Variants in NETO1 observed in about 807,000 individuals in gnomAD.
NETO1 encodes neuropilin and tolloid-like protein 1.
Under a neutral mutation model 61.3 loss-of-function variants are expected in NETO1, and 26 were observed. The ratio of observed to expected loss-of-function variants is 0.42; its 90% CI spans 0.31 to 0.59. NETO1 has a LOEUF of 0.59. Among genes scored for constraint, NETO1 ranks in the 20% least tolerant of loss-of-function variants. The pLI, the probability that NETO1 is intolerant of heterozygous loss-of-function variation, is 0.12. For synonymous variants in NETO1, 225 were observed against 225.8 expected, an observed-to-expected ratio of 1.00 and a Z score of 0.03; for missense variants, 531 against 662.8, an observed-to-expected ratio of 0.80 and a Z score of 2.18.
At chr18:72,850,165 C>G (rs569342631) in intron 4 of NETO1, among the ~76,000 whole-genome samples, 1 of 152,308 alleles carries the variant, frequency 6.6e-6, no homozygotes, top group Admixed American at 6.5e-5. Context: ...TATCTGGCTA[C>G]TATACATGGC....
In NETO1 at chr18:72,848,779, A is replaced by C. The variant is rs112320827; in HGVS notation, c.469+10047T>G. 2.3e-3 allele frequency among the ~76,000 whole-genome samples: 357 copies of C among 152,272 alleles called. 4 individuals carry two copies. Among genetic ancestry groups the C allele is most frequent in the African/African-American group, 8.3e-3 (346 of 41,574 alleles). On this transcript the variant is annotated intron_variant, in intron 4 of 10. Transcript: ENST00000327305. ...CACACCTGCAGCTGAATAGTTACAT[A>C]AGAATGTTTCTTGCTTGTAGGCATT...
intron 7 of NETO1, among the ~76,000 whole-genome samples, chr18:72,756,483 C>T (rs1393474851): frequency 6.6e-6 from 1 of 151,980 alleles, no homozygotes; most frequent in African/African-American, 2.4e-5. Context: ...ATACTTTATA[C>T]AGAAAGAATG....
intron 4 of NETO1, among the ~76,000 whole-genome samples, chr18:72,844,805 T>C (rs1370812928): frequency 2.0e-5 from 3 of 152,068 alleles, no homozygotes; most frequent in Non-Finnish European, 2.9e-5. Flanking sequence ...AAGCTTGGTG[T>C]CCATATAGAG....
intron 6 of NETO1, among the ~76,000 whole-genome samples, chr18:72,792,594 C>A (rs2072160140): frequency 6.6e-6 from 1 of 151,542 alleles, no homozygotes; most frequent in Non-Finnish European, 1.5e-5. Flanking sequence ...CCCACTTGAC[C>A]TTCTGCTTGC....
chr18:72,867,377 C>A lies in NETO1; in HGVS notation c.-86G>T. 1 of 1,117,576 alleles carries A rather than the reference C, an allele frequency of 8.9e-7. No individual in the cohort carries two copies. Among genetic ancestry groups the A allele is most frequent in the South Asian group, 1.8e-5 (1 of 56,270 alleles). 69.2% of individuals were successfully genotyped at this position (1,117,576 alleles called of 1,614,324 possible). A position where few individuals can be genotyped will look rare whatever the true frequency, so the allele number is the denominator to read the frequency against. On this transcript the variant is annotated 5_prime_UTR_variant, in exon 1 of 11. Coordinates refer to ENST00000327305, the MANE Select transcript of NETO1 (RefSeq NM_138966.5). The stretch of plus-strand genomic sequence containing the variant: ...TCCAGTGGCGGGGGGAGGACAGGGT[C>A]GAGAGGTGTTAAAGACGCAAAGCAA...
At position 72,766,510 on chromosome 18, in the gene NETO1, C is replaced by G. The variant is rs139788507; in HGVS notation, c.869-10363G>C. ...AGATTTGTGTATCTTTTTTTCATGT[C>G]CTTTATCACCTTCATAGTTGTTTTG... On this transcript the variant is annotated intron_variant, in intron 7 of 10. Coordinates refer to ENST00000327305, the MANE Select transcript of NETO1 (RefSeq NM_138966.5). Among the ~76,000 whole-genome samples, 500 of 151,778 alleles carry G rather than the reference C, an allele frequency of 3.3e-3. 2 individuals are homozygous for G. The highest frequency in any genetic ancestry group is 0.011 in the African/African-American group (476 of 41,408).
intron 3 of NETO1, among the ~76,000 whole-genome samples, chr18:72,859,665 G>A (rs754311912): frequency 2.6e-5 from 4 of 152,068 alleles, no homozygotes; most frequent in Non-Finnish European, 5.9e-5. Flanking sequence ...AATATCCTGC[G>A]TCCAGGACCC....
chr18:72,793,966 C>G (rs2072225845), intron 6 of NETO1, 151 bp downstream of exon 6: 1 of 866,390 alleles, frequency 1.2e-6, no homozygotes, highest in Non-Finnish European at 1.8e-6. Context: ...CAAGAGAAGA[C>G]AAGTTACATC....
chr18:72,821,506 G>C (rs957917073), intron 4 of NETO1, among the ~76,000 whole-genome samples: 1 of 150,592 alleles, frequency 6.6e-6, no homozygotes, highest in African/African-American at 2.4e-5. Flanking sequence ...TGGAGGTTGC[G>C]GTGAGCCGAG....
At chr18:72,865,687 G>T (rs1199287703) in intron 1 of NETO1, 14 of 1,555,152 alleles carry the variant, frequency 9.0e-6, no homozygotes, top group Non-Finnish European at 1.2e-5. Context: ...CTGACATACT[G>T]CAGTGTGGCT....
intron 4 of NETO1, among the ~76,000 whole-genome samples, chr18:72,815,987 C>G (rs1173485123): frequency 6.6e-6 from 1 of 152,046 alleles, no homozygotes; most frequent in Non-Finnish European, 1.5e-5. Flanking sequence ...CAGACAGGTA[C>G]AGATAGAGGT....
chr18:72,867,045 C>G (rs548192462), intron 1 of NETO1: 2 of 468,440 alleles, frequency 4.3e-6, no homozygotes, highest in Admixed American at 4.3e-5. Flanking sequence ...AGACCGTTCT[C>G]CGGCAGGTTT....
At chr18:72,780,366 T>C (rs916689882) in intron 7 of NETO1, among the ~76,000 whole-genome samples, 1 of 152,196 alleles carries the variant, frequency 6.6e-6, no homozygotes, top group South Asian at 2.1e-4. Context: ...CTAGAGATAA[T>C]TTAATCACAT....
chr18:72,760,572 T>G (rs2070937488), intron 7 of NETO1, among the ~76,000 whole-genome samples: 1 of 152,232 alleles, frequency 6.6e-6, no homozygotes, highest in Admixed American at 6.5e-5. Context: ...CCTTGCATCC[T>G]GGCCACCTGG....
chr18:72,782,295 T>C (rs142686070), intron 7 of NETO1, among the ~76,000 whole-genome samples: 1 of 152,264 alleles, frequency 6.6e-6, no homozygotes, highest in Non-Finnish European at 1.5e-5. Context: ...TGGGAACAGT[T>C]TGGGGACAGT....
chr18:72,793,094 G>A (rs1048000571), intron 6 of NETO1, among the ~76,000 whole-genome samples: 4 of 152,096 alleles, frequency 2.6e-5, no homozygotes, highest in Admixed American at 6.6e-5. Context: ...AGAACTAAAC[G>A]GAAGCACCTG....
rs1215511951 is a variant in NETO1, at chr18:72,830,349, G to T, written c.469+28477C>A. Reference sequence around the variant, plus strand: ...CACCCTGGACAGCGTCCAAACCCCAGAAACGGGTTGGCAGGGAGGCCACAA... The same window carrying T: ...CACCCTGGACAGCGTCCAAACCCCATAAACGGGTTGGCAGGGAGGCCACAA... On this transcript the variant is annotated intron_variant, in intron 4 of 10. Transcript: ENST00000327305. The surrounding 1 kb of genome is among the most constrained non-coding windows in gnomAD (Gnocchi z 4.9). Among the ~76,000 whole-genome samples, 1 of 152,118 alleles carries T rather than the reference G, an allele frequency of 6.6e-6. No homozygotes were observed. The highest frequency in any genetic ancestry group is 6.5e-5 in the Admixed American group (1 of 15,280).
chr18:72,768,602 C>T lies in NETO1; in HGVS notation c.869-12455G>A, dbSNP rs1024953263. Reference sequence around the variant, plus strand: ...AAAGATTTCAAAATGAAGAATTATTCGGGATTATCCAGTTAAGCCCAATGC... The same window carrying T: ...AAAGATTTCAAAATGAAGAATTATTTGGGATTATCCAGTTAAGCCCAATGC... On this transcript the variant is annotated intron_variant, in intron 7 of 10. Coordinates refer to ENST00000327305, the MANE Select transcript of NETO1 (RefSeq NM_138966.5). 1.4e-4 allele frequency among the ~76,000 whole-genome samples: 22 copies of T among 152,104 alleles called. 1 individual carries two copies. The highest frequency in any genetic ancestry group is 4.1e-4 in the South Asian group (2 of 4,828).
intron 8 of NETO1, among the ~76,000 whole-genome samples, chr18:72,751,801 G>A (rs539685620): frequency 1.3e-5 from 2 of 152,328 alleles, no homozygotes; most frequent in East Asian, 1.9e-4. Context: ...CAGAAAGAGA[G>A]TCAGGCTGAA....
Sources: allele counts gnomAD v4.1 joint callset (sites outside exome capture counted in the v4.1 genomes callset), GRCh38; gene constraint gnomAD v4.1.1; non-coding constraint Gnocchi (gnomAD v3.1); transcripts MANE v1.5; gene names NCBI Gene and HGNC (gene_info 2026-07-23, HGNC 2026-07-21).